RAB3GAP2: variants seen among roughly 807,000 people sequenced by gnomAD.
RAB3GAP2 encodes RAB3 GTPase activating non-catalytic protein subunit 2.
A neutral mutation model predicts 185.3 loss-of-function variants in RAB3GAP2; 87 were observed. The ratio of observed to expected loss-of-function variants is 0.47; its 90% CI spans 0.39 to 0.56. The LOEUF (loss-of-function observed/expected upper bound fraction) is 0.56, where lower values mean the gene tolerates loss of function less well. Ranked by LOEUF, RAB3GAP2 falls within the 20% of genes least tolerant of loss-of-function variation. RAB3GAP2 has a pLI of 0.00. For synonymous variants in RAB3GAP2, 554 were observed against 576.1 expected, an observed-to-expected ratio of 0.96 and a Z score of 0.55; for missense variants, 1,492 against 1,638.2, an observed-to-expected ratio of 0.91 and a Z score of 1.54.
intron 2 of RAB3GAP2, among the ~76,000 whole-genome samples, chr1:220,224,031 G>T (rs1659359408): frequency 7.0e-6 from 1 of 143,126 alleles, no homozygotes; most frequent in South Asian, 2.2e-4. Context: ...AAAAAAAGAG[G>T]AAAATGTATA....
chr1:220,266,803 C>T, intron 1 of RAB3GAP2: 1 of 1,594,904 alleles, frequency 6.3e-7, no homozygotes. Context: ...TGAGCATTGG[C>T]CTCTGGCTGG....
chr1:220,197,676 T>C (rs1431787560), intron 9 of RAB3GAP2, among the ~76,000 whole-genome samples: 2 of 152,140 alleles, frequency 1.3e-5, no homozygotes, highest in Non-Finnish European at 2.9e-5. Context: ...AATTGAAATT[T>C]AAGTTTTAAA....
At chr1:220,225,372 A>T (rs1412197303) in intron 2 of RAB3GAP2, among the ~76,000 whole-genome samples, 1 of 152,206 alleles carries the variant, frequency 6.6e-6, no homozygotes, top group Admixed American at 6.5e-5. Flanking sequence ...GAAAAGGCAA[A>T]AAAGACAGAC....
At chr1:220,236,338 A>C (rs909964617) in intron 1 of RAB3GAP2, among the ~76,000 whole-genome samples, 1 of 151,962 alleles carries the variant, frequency 6.6e-6, no homozygotes, top group East Asian at 1.9e-4. Flanking sequence ...CACCACACCC[A>C]GCTAATTTTT....
At chr1:220,221,898 C>A (rs1319567517) in intron 2 of RAB3GAP2, among the ~76,000 whole-genome samples, 1 of 152,150 alleles carries the variant, frequency 6.6e-6, no homozygotes, top group Non-Finnish European at 1.5e-5. Flanking sequence ...GTAGTACTTA[C>A]GTAGTCACTG....
At chr1:220,221,274 G>A (rs2102886097) in intron 2 of RAB3GAP2, among the ~76,000 whole-genome samples, 1 of 152,284 alleles carries the variant, frequency 6.6e-6, no homozygotes, top group East Asian at 1.9e-4. Flanking sequence ...ATATTGAAGT[G>A]AGGTGGGTGT....
chr1:220,153,123 C>A, intron 33 of RAB3GAP2, 62 bp downstream of exon 33: 1 of 1,296,368 alleles, frequency 7.7e-7, no homozygotes, highest in Non-Finnish European at 1.1e-6. Flanking sequence ...TTAACTGATT[C>A]TTTATTCCAA....
At chr1:220,208,766 G>C (rs1659022604) in intron 7 of RAB3GAP2, among the ~76,000 whole-genome samples, 1 of 152,006 alleles carries the variant, frequency 6.6e-6, no homozygotes, top group Admixed American at 6.6e-5. Flanking sequence ...GCCCAGGCTG[G>C]AGTGTAGTGG....
intron 1 of RAB3GAP2, among the ~76,000 whole-genome samples, chr1:220,247,170 A>G (rs560806451): frequency 6.6e-6 from 1 of 152,338 alleles, no homozygotes; most frequent in Non-Finnish European, 1.5e-5. Flanking sequence ...AATGTAAATT[A>G]GTACAACCTC....
chr1:220,253,414 T>C (rs1659974076), intron 1 of RAB3GAP2, among the ~76,000 whole-genome samples: 1 of 151,274 alleles, frequency 6.6e-6, no homozygotes, highest in Non-Finnish European at 1.5e-5. Flanking sequence ...AGCAACCCTA[T>C]GGTAGAGTGG....
chr1:220,184,936 A>G (rs1658481965), intron 18 of RAB3GAP2, among the ~76,000 whole-genome samples: 1 of 152,120 alleles, frequency 6.6e-6, no homozygotes, highest in South Asian at 2.1e-4. Context: ...CAAAATTAGC[A>G]TGTTTGAAGT....
intron 4 of RAB3GAP2, 152 bp downstream of exon 4, chr1:220,212,735 T>C: frequency 1.5e-6 from 1 of 689,172 alleles, no homozygotes. Flanking sequence ...TCAAATGATC[T>C]TCCTGCCTTG....
chr1:220,176,067 ATAAAT>A (rs898569400), intron 21 of RAB3GAP2, among the ~76,000 whole-genome samples: 13 of 152,194 alleles, frequency 8.5e-5, no homozygotes, highest in African/African-American at 2.9e-4. Flanking sequence ...GAATACAGAG[ATAAAT>A]TAAGTTACCA....
intron 1 of RAB3GAP2, among the ~76,000 whole-genome samples, chr1:220,258,873 G>C (rs1660084048): frequency 6.6e-6 from 1 of 152,160 alleles, no homozygotes; most frequent in South Asian, 2.1e-4. Flanking sequence ...AAGCTGATAA[G>C]CAACTTCAGC....
At chr1:220,212,374 T>A (rs1217638060) in intron 4 of RAB3GAP2, among the ~76,000 whole-genome samples, 1 of 152,224 alleles carries the variant, frequency 6.6e-6, no homozygotes, top group Non-Finnish European at 1.5e-5. Flanking sequence ...CAGAATTTTT[T>A]AAAAACATAA....
In RAB3GAP2 at chr1:220,193,273, C is replaced by T. The variant is rs776486279; in HGVS notation, c.1237G>A (p.Val413Ile). 2.5e-6 allele frequency: 4 copies of T among 1,613,980 alleles called. No homozygotes were observed. Among genetic ancestry groups the T allele is most frequent in the East Asian group, 4.5e-5 (2 of 44,864 alleles). ...DDFGRVILLD[V>I]ARGIAIRMWK... ...ATGCGTATTGCAATTCCTCTAGCTA[C>T]ATCCAATAAAATAACTCTGCCGAAA... The change falls in exon 13 of 35, where the codon GTA becomes ATA. Residue 413 changes from valine (V) to isoleucine (I), a missense_variant. Transcript: ENST00000358951.
rs1021316773 is a variant in RAB3GAP2 at position 220,232,780 on chromosome 1, T to C, written c.180+19A>G. The C allele has an allele frequency of 6.3e-7, 1 of 1,595,676 alleles. No individual in the cohort carries two copies. Among genetic ancestry groups the C allele is most frequent in the Non-Finnish European group, 8.6e-7 (1 of 1,163,406 alleles). ...AAATGCCACTATCAAAAAACATGCA[T>C]ATATTTGTAAAGACTTACAGGTTCT... is the stretch of plus-strand genomic sequence containing the variant. On this transcript the variant is annotated intron_variant, in intron 2 of 34. Coordinates refer to ENST00000358951, the MANE Select transcript of RAB3GAP2 (RefSeq NM_012414.4).
In RAB3GAP2 at chr1:220,182,716, A is replaced by G; in HGVS notation, c.2212+2T>C. The G allele has an allele frequency of 1.3e-6, 2 of 1,582,804 alleles. No individual in the cohort carries two copies. The highest frequency in any genetic ancestry group is 2.3e-5 in the South Asian group (2 of 86,090). On this transcript the variant is annotated splice_donor_variant, in intron 20 of 34. Transcript: ENST00000358951. LOFTEE classifies it high-confidence loss of function. ...CAAAGACCAGTGTATTATTTTACCT[A>G]CCTAAAGCCACATATTCCTCTTCAC...
chr1:220,226,272 A>C (rs1455396724), intron 2 of RAB3GAP2, among the ~76,000 whole-genome samples: 1 of 152,114 alleles, frequency 6.6e-6, no homozygotes, highest in Non-Finnish European at 1.5e-5. Context: ...AAGTCCATTA[A>C]ATCAGTCTTG....
Sources: gnomAD v4.1 joint callset for allele counts (sites outside exome capture counted in the v4.1 genomes callset) on GRCh38, gnomAD v4.1.1 for gene constraint, MANE v1.5 for transcripts, NCBI Gene and HGNC (gene_info 2026-07-23, HGNC 2026-07-21) for gene names.